CRYL1: variants seen among roughly 807,000 people sequenced by gnomAD.
CRYL1 encodes lambda-crystallin homolog.
A neutral mutation model predicts 36.6 loss-of-function variants in CRYL1; 29 were observed. That is an observed-to-expected ratio of 0.79 (90% CI 0.59 to 1.08). The LOEUF (loss-of-function observed/expected upper bound fraction) is 1.08, where lower values mean the gene tolerates loss of function less well. Ranked by LOEUF, CRYL1 falls within the 50% of genes least tolerant of loss-of-function variation. The probability of loss-of-function intolerance (pLI) is 0.00; values close to 1 mark genes in which losing one functional copy is unlikely to be tolerated. For missense variants in CRYL1, 411 were observed against 407.9 expected (o/e 1.01, Z -0.06); for synonymous variants, 152 against 151.5 (o/e 1.00, Z -0.02).
At chr13:20,516,764 G>A (rs142043404) in intron 1 of CRYL1, among the ~76,000 whole-genome samples, 3,875 of 152,256 alleles carry the variant, frequency 0.025, 100 homozygotes, top group African/African-American at 0.062. Context: ...ACAGGCGTCA[G>A]CCACCACGCC....
rs770237663 is a variant in CRYL1, at chr13:20,432,113, G to T, written c.622C>A (p.Arg208=). ...LQYAIISEAW[R]LVEEGIVSPS... ...ACGGGCACACACACCTCCACTAGCC[G>T]CCAGGCCTCGCTGATGATTGCATAT... The change falls in exon 5 of 8, where the codon CGG becomes AGG. Residue 208 remains arginine, a synonymous_variant. Transcript: ENST00000298248. 1.9e-6 allele frequency: 3 copies of T among 1,614,102 alleles called. No individual in the cohort carries two copies. The highest frequency in any genetic ancestry group is 2.2e-5 in the East Asian group (1 of 44,880).
chr13:20,453,287 G>C (rs1267240088), intron 3 of CRYL1, among the ~76,000 whole-genome samples: 4 of 152,108 alleles, frequency 2.6e-5, no homozygotes, highest in Non-Finnish European at 5.9e-5. Context: ...AAGTCTATGA[G>C]AAAAGAATAT....
chr13:20,502,091 A>C (rs1593491092), intron 2 of CRYL1, among the ~76,000 whole-genome samples: 2 of 152,202 alleles, frequency 1.3e-5, no homozygotes, highest in South Asian at 4.1e-4. Context: ...ACAATGTTTT[A>C]AAAATCTGGC....
At chr13:20,482,960 G>A (rs1014195434) in intron 3 of CRYL1, among the ~76,000 whole-genome samples, 1 of 152,166 alleles carries the variant, frequency 6.6e-6, no homozygotes, top group African/African-American at 2.4e-5. Context: ...AAGATCCCAT[G>A]TTCTCACTCA....
intron 3 of CRYL1, among the ~76,000 whole-genome samples, chr13:20,476,218 T>C (rs572897599): frequency 4.6e-5 from 7 of 150,592 alleles, no homozygotes; most frequent in Admixed American, 4.0e-4. Context: ...TAGCTGGGAG[T>C]GGTGGCATGT....
chr13:20,406,246 C>T (rs762072140), intron 6 of CRYL1: 6 of 152,074 alleles, frequency 3.9e-5, no homozygotes, highest in South Asian at 2.1e-4. Flanking sequence ...ACCATCGGTA[C>T]TAGATACGCT....
At chr13:20,504,647 A>G (rs2033762374) in intron 2 of CRYL1, among the ~76,000 whole-genome samples, 1 of 152,164 alleles carries the variant, frequency 6.6e-6, no homozygotes, top group African/African-American at 2.4e-5. Context: ...CAGGCCAAGC[A>G]CTGGGCATAC....
At chr13:20,410,125 A>G (rs2031480018) in intron 6 of CRYL1, among the ~76,000 whole-genome samples, 1 of 151,380 alleles carries the variant, frequency 6.6e-6, no homozygotes, top group Non-Finnish European at 1.5e-5. Flanking sequence ...AAAGACTTGG[A>G]ACCAACCCAA....
chr13:20,441,682 A>T (rs2032354128), intron 3 of CRYL1, among the ~76,000 whole-genome samples: 1 of 152,140 alleles, frequency 6.6e-6, no homozygotes, highest in Non-Finnish European at 1.5e-5. Flanking sequence ...TATCAGAACC[A>T]CCCTTCAAAA....
chr13:20,471,116 A>G (rs2033048798), intron 3 of CRYL1, among the ~76,000 whole-genome samples: 1 of 152,088 alleles, frequency 6.6e-6, no homozygotes, highest in South Asian at 2.1e-4. Context: ...AATGAACTGC[A>G]GTACGGGGGT....
intron 4 of CRYL1, among the ~76,000 whole-genome samples, chr13:20,438,084 G>T (rs2032272687): frequency 6.6e-6 from 1 of 152,100 alleles, no homozygotes; most frequent in Non-Finnish European, 1.5e-5. Context: ...AAATGTGACT[G>T]GTTCTCTTCT....
intron 3 of CRYL1, among the ~76,000 whole-genome samples, chr13:20,457,803 G>C (rs1036153507): frequency 2.6e-5 from 4 of 152,132 alleles, no homozygotes; most frequent in African/African-American, 9.7e-5. Context: ...TGCTGACATG[G>C]GCTCGTTTAA....
At chr13:20,483,226 G>C (rs879448566) in intron 3 of CRYL1, among the ~76,000 whole-genome samples, 2 of 152,136 alleles carry the variant, frequency 1.3e-5, no homozygotes, top group Non-Finnish European at 2.9e-5. Context: ...GTGAGGTTCT[G>C]GATATCCTAA....
At chr13:20,471,120 C>T (rs74036389) in intron 3 of CRYL1, among the ~76,000 whole-genome samples, 270 of 151,896 alleles carry the variant, frequency 1.8e-3, no homozygotes, top group African/African-American at 6.1e-3. Context: ...AACTGCAGTA[C>T]GGGGGTGGTT....
At chr13:20,516,586 T>C (rs1335543023) in intron 1 of CRYL1, among the ~76,000 whole-genome samples, 1 of 151,966 alleles carries the variant, frequency 6.6e-6, no homozygotes, top group Non-Finnish European at 1.5e-5. Flanking sequence ...TTCACGCCAT[T>C]CTCCTGCCTC....
chr13:20,452,258 C>G (rs904768792), intron 3 of CRYL1, among the ~76,000 whole-genome samples: 4 of 113,712 alleles, frequency 3.5e-5, no homozygotes, highest in Non-Finnish European at 3.9e-5. Context: ...AAAAAAAAAG[C>G]AAAACCCAAC....
At chr13:20,416,246 C>T (rs2031661079) in intron 5 of CRYL1, among the ~76,000 whole-genome samples, 1 of 152,234 alleles carries the variant, frequency 6.6e-6, no homozygotes, top group Admixed American at 6.5e-5. Flanking sequence ...GAGAGTGAAT[C>T]AGTCTGTGCA....
chr13:20,420,700 G>GTTTTTTGTTTTTTTTT (rs5802072), intron 5 of CRYL1, among the ~76,000 whole-genome samples: 1 of 36,430 alleles, frequency 2.7e-5, no homozygotes, highest in African/African-American at 6.3e-5. Flanking sequence ...TAAAATAGAG[G>GTTTTTTGTTTTTTTTT]TTGTGTGTGT....
At chr13:20,454,130 A>G (rs1379518075) in intron 3 of CRYL1, among the ~76,000 whole-genome samples, 1 of 152,184 alleles carries the variant, frequency 6.6e-6, no homozygotes, top group Non-Finnish European at 1.5e-5. Flanking sequence ...ACATTTCCCA[A>G]CTCATTCTAT....
Sources: allele counts gnomAD v4.1 joint callset (sites outside exome capture counted in the v4.1 genomes callset), GRCh38; gene constraint gnomAD v4.1.1; transcripts MANE v1.5; gene names NCBI Gene and HGNC (gene_info 2026-07-23, HGNC 2026-07-21).